The following CHRNA9 variants were observed in gnomAD, a reference collection of about 807,000 sequenced individuals.
CHRNA9 encodes the protein cholinergic receptor nicotinic alpha 9 subunit, also known as neuronal acetylcholine receptor subunit alpha-9.
Under a neutral mutation model 36.8 loss-of-function variants are expected in CHRNA9, and 24 were observed. The observed-to-expected ratio is 0.65, with a 90% CI of 0.47 to 0.92. The LOEUF is 0.92. CHRNA9 is among the 40% of genes least tolerant of loss of function. CHRNA9 has a pLI of 0.00. For missense variants in CHRNA9, 610 were observed against 601.2 expected (o/e 1.01, Z -0.15); for synonymous variants, 231 against 231.8 (o/e 1.00, Z 0.03).
At chr4:40,344,116 G>C (rs1712572514) in intron 3 of CHRNA9, among the ~76,000 whole-genome samples, 1 of 152,182 alleles carries the variant, frequency 6.6e-6, no homozygotes, top group African/African-American at 2.4e-5. Flanking sequence ...GCTTCTAGAA[G>C]GTGGAAAAGG....
chr4:40,337,588 G>A (rs889896850), intron 3 of CHRNA9, among the ~76,000 whole-genome samples: 1 of 152,128 alleles, frequency 6.6e-6, no homozygotes, highest in Non-Finnish European at 1.5e-5. Flanking sequence ...CCCTTTTTCA[G>A]GTGGGAAAGT....
At chr4:40,338,509 T>TG (rs1408024518) in intron 3 of CHRNA9, among the ~76,000 whole-genome samples, 1 of 152,014 alleles carries the variant, frequency 6.6e-6, no homozygotes, top group East Asian at 1.9e-4. Context: ...TTCTGTGGAG[T>TG]GGGAAGAGTT....
At chr4:40,345,661 A>T (rs1038847016) in intron 3 of CHRNA9, among the ~76,000 whole-genome samples, 12 of 151,932 alleles carry the variant, frequency 7.9e-5, no homozygotes, top group Non-Finnish European at 1.5e-5. Context: ...GCAGTGAACC[A>T]AGATTGTGCC....
chr4:40,335,800 T>C (rs1299324887), intron 1 of CHRNA9, 27 bp from the exon 2 acceptor site: 2 of 1,601,054 alleles, frequency 1.2e-6, no homozygotes, highest in East Asian at 4.5e-5. Context: ...ACTCTGAATG[T>C]TAATCCAGAT....
intron 3 of CHRNA9, among the ~76,000 whole-genome samples, chr4:40,338,983 T>C (rs10015387): frequency 0.14 from 21,508 of 151,944 alleles, 1,565 homozygotes; most frequent in African/African-American, 0.16. Flanking sequence ...TATCTGATAA[T>C]TTCATTGACA....
Position 40,337,302 on chromosome 4 carries a change from C to T in CHRNA9, c.303C>T (p.Gly101=), listed in dbSNP as rs557144551. 9.3e-6 allele frequency: 15 copies of T among 1,614,198 alleles called. No homozygotes were observed. The Admixed American group carries it at 2.5e-4, about 27-fold the overall frequency. ...YLTWDRDQYD[G]LDSIRIPSDL... The stretch of plus-strand genomic sequence containing the variant: ...CGTGGGACCGAGATCAGTACGATGG[C>T]CTAGACTCCATCAGGATCCCCAGTG... The change falls in exon 3 of 5, where the codon GGC becomes GGT. Residue 101 remains glycine, a synonymous_variant. Coordinates refer to ENST00000310169, the MANE Select transcript of CHRNA9 (RefSeq NM_017581.4).
chr4:40,350,554 A>G (rs1577549675), intron 4 of CHRNA9, among the ~76,000 whole-genome samples: 1 of 152,146 alleles, frequency 6.6e-6, no homozygotes, highest in Non-Finnish European at 1.5e-5. Flanking sequence ...TAGAACACCA[A>G]CGAACTTAGA....
At chr4:40,342,642 A>C (rs1310940507) in intron 3 of CHRNA9, among the ~76,000 whole-genome samples, 1 of 152,206 alleles carries the variant, frequency 6.6e-6, no homozygotes, top group Non-Finnish European at 1.5e-5. Flanking sequence ...AGATTTGCCT[A>C]GTTGTACTTG....
In CHRNA9 at chr4:40,353,218, C is replaced by G. The variant is rs73146132; in HGVS notation, c.899-761C>G. 2.6e-4 allele frequency among the ~76,000 whole-genome samples: 39 copies of G among 152,084 alleles called. 1 individual carries two copies. The East Asian group carries it at 6.2e-3, about 24-fold the overall frequency. On this transcript the variant is annotated intron_variant, in intron 4 of 4. Transcript: ENST00000310169. The stretch of plus-strand genomic sequence containing the variant: ...CAAAAGTCTATACTATAGCCCGGCG[C>G]GGTGGCTCACGCCTGTAATTCTAGC...
At chr4:40,336,357 G>A (rs540758117) in intron 2 of CHRNA9, among the ~76,000 whole-genome samples, 9 of 152,146 alleles carry the variant, frequency 5.9e-5, no homozygotes, top group Non-Finnish European at 1.0e-4. Context: ...GTTTCTTTGC[G>A]GGGGGAAGAA....
At chr4:40,341,242 T>C (rs1169969114) in intron 3 of CHRNA9, among the ~76,000 whole-genome samples, 1 of 152,022 alleles carries the variant, frequency 6.6e-6, no homozygotes, top group East Asian at 1.9e-4. Context: ...ATTTTAAATT[T>C]GAATTCATTA....
chr4:40,345,795 C>T (rs565031455), intron 3 of CHRNA9, among the ~76,000 whole-genome samples: 8 of 152,202 alleles, frequency 5.3e-5, no homozygotes, highest in East Asian at 3.9e-4. Flanking sequence ...GAGGCTGAGG[C>T]GGGTGGATCA....
chr4:40,353,352 G>T (rs865833302), intron 4 of CHRNA9, among the ~76,000 whole-genome samples: 1 of 152,128 alleles, frequency 6.6e-6, no homozygotes, highest in Non-Finnish European at 1.5e-5. Flanking sequence ...TTAGCCGGGC[G>T]TAGTGGTGGG....
chr4:40,348,922 G>T lies in CHRNA9; in HGVS notation c.406G>T (p.Val136Phe). 6.2e-7 allele frequency: 1 copy of T among 1,614,104 alleles called. No individual in the cohort carries two copies. The highest frequency in any genetic ancestry group is 8.5e-7 in the Non-Finnish European group (1 of 1,179,996). Reference sequence around the variant, plus strand: ...TTCAGAGCCTGTGAACACCAATGTGGTCCTGCGGTATGATGGGCTGATCAC... The same window carrying T: ...TTCAGAGCCTGTGAACACCAATGTGTTCCTGCGGTATGATGGGCTGATCAC... ...ESSEPVNTNV[V>F]LRYDGLITWD... is the part of the protein sequence containing the mutation. The change falls in exon 4 of 5, where the codon GTC (valine) becomes TTC (phenylalanine). Residue 136 changes from valine to phenylalanine, a missense_variant. By Grantham distance (50) the Val-to-Phe change is conservative (BLOSUM62 -1). Coordinates refer to ENST00000310169, the MANE Select transcript of CHRNA9 (RefSeq NM_017581.4).
intron 3 of CHRNA9, among the ~76,000 whole-genome samples, chr4:40,342,093 G>T (rs970406789): frequency 6.6e-6 from 1 of 152,200 alleles, no homozygotes; most frequent in Non-Finnish European, 1.5e-5. Context: ...TTGGATTTTA[G>T]ACCTGGTGAG....
intron 4 of CHRNA9, among the ~76,000 whole-genome samples, chr4:40,353,364 G>A (rs949429092): frequency 2.6e-5 from 4 of 152,002 alleles, no homozygotes; most frequent in Admixed American, 6.6e-5. Context: ...AGTGGTGGGC[G>A]CCTGTAATCC....
intron 3 of CHRNA9, 143 bp downstream of exon 3, chr4:40,337,507 A>C: frequency 3.1e-6 from 3 of 968,710 alleles, no homozygotes; most frequent in Non-Finnish European, 2.9e-6. Flanking sequence ...AATAAGAGAC[A>C]TAGAATCTTA....
At chr4:40,343,115 C>T (rs1712547467) in intron 3 of CHRNA9, among the ~76,000 whole-genome samples, 1 of 152,168 alleles carries the variant, frequency 6.6e-6, no homozygotes, top group Non-Finnish European at 1.5e-5. Flanking sequence ...CCAGCCTGCT[C>T]CTCTCCAGTT....
intron 3 of CHRNA9, among the ~76,000 whole-genome samples, chr4:40,342,298 C>A (rs1445300819): frequency 2.0e-5 from 3 of 151,934 alleles, no homozygotes; most frequent in Non-Finnish European, 1.5e-5. Context: ...TTTGGGGAAC[C>A]AAAGAAACAT....
Sources: gnomAD v4.1 joint callset for allele counts (sites outside exome capture counted in the v4.1 genomes callset) on GRCh38, gnomAD v4.1.1 for gene constraint, MANE v1.5 for transcripts, NCBI Gene and HGNC (gene_info 2026-07-23, HGNC 2026-07-21) for gene names.